Variants in PLTP observed in about 807,000 individuals in gnomAD.
PLTP encodes the protein phospholipid transfer protein, also known as BPI fold containing family E.
A neutral mutation model predicts 54.1 loss-of-function variants in PLTP; 43 were observed. The ratio of observed to expected loss-of-function variants is 0.79; its 90% CI spans 0.62 to 1.02. The LOEUF (loss-of-function observed/expected upper bound fraction) is 1.02. Ranked by LOEUF, PLTP falls within the 50% of genes least tolerant of loss-of-function variation. PLTP has a pLI of 0.00. For missense variants in PLTP, 604 were observed against 645.9 expected (o/e 0.94, Z 0.70); for synonymous variants, 263 against 264.6 (o/e 0.99, Z 0.06).
rs951267740 is a variant in PLTP at position 45,898,628 on chromosome 20, C to T, written c.*313G>A. The T allele has an allele frequency of 4.1e-6, 3 of 725,556 alleles. No homozygotes were observed. In the African/African-American group the frequency reaches 5.2e-5, roughly 13 times the overall value. The allele number at this position is 725,556 out of a possible 1,614,324, so 44.9% of individuals were successfully genotyped here. ...GGGTCTCCCATAGACAGCCTGGGGG[C>T]AAGTTAGCACTTTATTCCCGCAGCA... On this transcript the variant is annotated 3_prime_UTR_variant, in exon 16 of 16. Transcript: ENST00000372431. The surrounding 1 kb of genome is among the most constrained non-coding windows in gnomAD (Gnocchi z 4.6).
intron 3 of PLTP, among the ~76,000 whole-genome samples, chr20:45,910,486 G>A (rs964750958): frequency 6.6e-6 from 1 of 152,042 alleles, no homozygotes; most frequent in Admixed American, 6.5e-5. Context: ...GTGGTGGCAC[G>A]CGCCTGTAGT....
chr20:45,908,041 G>A, intron 5 of PLTP, 137 bp from the exon 6 acceptor site: 2 of 806,626 alleles, frequency 2.5e-6, no homozygotes, highest in South Asian at 1.5e-5. Context: ...CTCCACGTAG[G>A]TTTTCCAAGA....
intron 3 of PLTP, 107 bp from the exon 4 acceptor site, chr20:45,910,177 G>T: frequency 7.9e-7 from 1 of 1,264,766 alleles, no homozygotes; most frequent in Non-Finnish European, 1.1e-6. Context: ...GGAAGCGGGA[G>T]TGGGTGGAAT....
rs563450652 is a variant in PLTP, at chr20:45,902,712, C to T, written c.943-108G>A. ...GCAGCTTCTGTCCTCTGGGGACTCT[C>T]ATATTGCAAATACAGAGGGAGCTCT... On this transcript the variant is annotated intron_variant, in intron 10 of 15. Coordinates refer to ENST00000372431, the MANE Select transcript of PLTP (RefSeq NM_006227.4). The T allele has an allele frequency of 1.2e-5, 14 of 1,168,960 alleles. No homozygotes were observed. The Admixed American group carries it at 2.1e-4, about 18-fold the overall frequency. The allele number at this position is 1,168,960 out of a possible 1,614,324, so 72.4% of individuals were successfully genotyped here. A position where few individuals can be genotyped will look rare whatever the true frequency, so the allele number is the denominator to read the frequency against.
rs376960730 is a variant in PLTP, at chr20:45,899,557, C to T, written c.1283-19G>A. 44 of 1,613,994 alleles carry T rather than the reference C, an allele frequency of 2.7e-5. No homozygotes were observed. The highest frequency in any genetic ancestry group is 1.7e-4 in the African/African-American group (13 of 74,912). ...GTCCGCTCTGTGGGTGGGAGCACCC[C>T]GCTCAGTCTGGGCCCGCCCAGTTCA... On this transcript the variant is annotated intron_variant, in intron 14 of 15. Coordinates refer to ENST00000372431, the MANE Select transcript of PLTP (RefSeq NM_006227.4).
chr20:45,899,441 C>T, intron 15 of PLTP, 21 bp downstream of exon 15: 1 of 1,613,172 alleles, frequency 6.2e-7, no homozygotes, highest in Non-Finnish European at 8.5e-7. Context: ...CTCCCTCCTT[C>T]CCCATCCTGC....
chr20:45,902,823 C>A lies in PLTP; in HGVS notation c.943-219G>T, dbSNP rs1165402266. Among the ~76,000 whole-genome samples the A allele has an allele frequency of 2.6e-5, 4 of 152,250 alleles. No homozygotes were observed. In the East Asian group the frequency reaches 5.8e-4, roughly 22 times the overall value. On this transcript the variant is annotated intron_variant, in intron 10 of 15. Transcript: ENST00000372431. Reference sequence around the variant, plus strand: ...GAATGTGTTCTTCTCTTTCTGCTTCCTAAATACATCTCAATATTCAGGTCT... The same window carrying A: ...GAATGTGTTCTTCTCTTTCTGCTTCATAAATACATCTCAATATTCAGGTCT...
At chr20:45,908,010 C>T in intron 5 of PLTP, 106 bp from the exon 6 acceptor site, 1 of 1,000,272 alleles carries the variant, frequency 1.0e-6, no homozygotes, top group Admixed American at 2.0e-5. Flanking sequence ...GAGTCCTCAG[C>T]TTCAGCCTGA....
chr20:45,910,643 G>T, intron 3 of PLTP, among the ~76,000 whole-genome samples: 1 of 147,568 alleles, frequency 6.8e-6, no homozygotes, highest in Non-Finnish European at 1.5e-5. Context: ...AGTCTTGTTT[G>T]CTTGCACCCC....
At chr20:45,904,911 T>C in intron 9 of PLTP, 31 bp downstream of exon 9, 1 of 1,613,576 alleles carries the variant, frequency 6.2e-7, no homozygotes, top group Non-Finnish European at 8.5e-7. Context: ...AGACCTTCTC[T>C]TGCCCATCCC....
intron 10 of PLTP, among the ~76,000 whole-genome samples, chr20:45,904,007 A>AT (rs1445019891): frequency 6.6e-6 from 1 of 152,110 alleles, no homozygotes; most frequent in Non-Finnish European, 1.5e-5. Flanking sequence ...CCATATCCCC[A>AT]TTTTTGAGAT....
rs1329896354 is a variant in PLTP, at chr20:45,909,581, T to C, written c.420A>G (p.Lys140=). 7 of 1,614,134 alleles carry C rather than the reference T, an allele frequency of 4.3e-6. No individual in the cohort carries two copies. Among genetic ancestry groups the C allele is most frequent in the Non-Finnish European group, 5.9e-6 (7 of 1,180,012 alleles). ...AGGCCTGGCAGGAGACATTGGACAC[T>C]TTCATCCGTCCAGCGGGATCCCGGG... ...ELSRDPAGRM[K]VSNVSCQASV... is the part of the protein sequence containing the mutation. Residue 140 remains lysine, a synonymous_variant, in exon 5 of 16, where the codon AAA becomes AAG. Transcript: ENST00000372431.
Position 45,899,503 on chromosome 20 carries a change from C to CA in PLTP, c.1317dup (p.Glu440Ter). 6.2e-7 allele frequency: 1 copy of CA among 1,614,150 alleles called. No individual in the cohort carries two copies. Among genetic ancestry groups the CA allele is most frequent in the Non-Finnish European group, 8.5e-7 (1 of 1,180,028 alleles). ...ACCTCATGCACAAAGTTGATGCCCTCAGGTAGTGGGATCTGCACCCCACGC... is the reference window on the plus strand; with the variant it reads ...ACCTCATGCACAAAGTTGATGCCCTCAAGGTAGTGGGATCTGCACCCCACGC... On this transcript the variant is annotated frameshift_variant, in exon 15 of 16. Coordinates refer to ENST00000372431, the MANE Select transcript of PLTP (RefSeq NM_006227.4). LOFTEE classifies it high-confidence loss of function.
intron 5 of PLTP, among the ~76,000 whole-genome samples, chr20:45,908,921 C>G (rs770091693): frequency 6.7e-4 from 101 of 151,862 alleles, no homozygotes; most frequent in Middle Eastern, 3.4e-3. Context: ...AAGTGGCCAG[C>G]ACTTAAATAT....
At chr20:45,901,871 C>G (rs1179751352) in intron 12 of PLTP, among the ~76,000 whole-genome samples, 1 of 149,800 alleles carries the variant, frequency 6.7e-6, no homozygotes, top group Admixed American at 6.7e-5. Context: ...TGCACTCCAG[C>G]CTGGGCAACA....
intron 3 of PLTP, 142 bp downstream of exon 3, chr20:45,911,010 C>T (rs894254316): frequency 1.8e-5 from 29 of 1,574,350 alleles, no homozygotes; most frequent in East Asian, 2.3e-5. Flanking sequence ...CGGCCCCATC[C>T]GGTTTCTTAA....
At chr20:45,909,699 G>A in intron 4 of PLTP, 28 bp from the exon 5 acceptor site, 5 of 1,613,488 alleles carry the variant, frequency 3.1e-6, no homozygotes, top group Non-Finnish European at 4.2e-6. Flanking sequence ...ATTCACTCCA[G>A]GTAGGAGCTC....
chr20:45,905,629 G>A lies in PLTP; in HGVS notation c.706-511C>T, dbSNP rs6104395. On this transcript the variant is annotated intron_variant, in intron 8 of 15. Transcript: ENST00000372431. ...GCATTCTTTTTCTCTTTGTAGAGAA[G>A]GAGGTCTCACTATGATGCCCAAGCT... 3.9e-5 allele frequency among the ~76,000 whole-genome samples: 6 copies of A among 152,360 alleles called. No individual in the cohort carries two copies. The South Asian group carries it at 1.2e-3, about 32-fold the overall frequency.
rs1458029820 is a variant in PLTP at position 45,907,625 on chromosome 20, C to T, written c.613+67G>A. On this transcript the variant is annotated intron_variant, in intron 7 of 15. Transcript: ENST00000372431. ...CCCAGGACTGTTCAACAGCAGGGCTCGGAAGGGGCCTGCTCTGAGGTGCTG... is the reference window on the plus strand; with the variant it reads ...CCCAGGACTGTTCAACAGCAGGGCTTGGAAGGGGCCTGCTCTGAGGTGCTG... 17 of 1,460,896 alleles carry T rather than the reference C, an allele frequency of 1.2e-5. 1 individual carries two copies. The highest frequency in any genetic ancestry group is 8.2e-5 in the South Asian group (7 of 85,174). 90.5% of individuals were successfully genotyped at this position (1,460,896 alleles called of 1,614,324 possible). A position where few individuals can be genotyped will look rare whatever the true frequency, so the allele number is the denominator to read the frequency against.
Sources: gnomAD v4.1 joint callset for allele counts (sites outside exome capture counted in the v4.1 genomes callset) on GRCh38, gnomAD v4.1.1 for gene constraint, Gnocchi (gnomAD v3.1) non-coding constraint, MANE v1.5 for transcripts, NCBI Gene and HGNC (gene_info 2026-07-23, HGNC 2026-07-21) for gene names.